Variants in SKIC3 observed in about 807,000 individuals in gnomAD.
SKIC3 encodes superkiller complex protein 3.
At chr5:95,493,186 C>G in the SKIC3 span, among the ~76,000 whole-genome samples, 43 of 152,278 alleles carry the variant, frequency 2.8e-4, no homozygotes, top group Admixed American at 1.6e-3. Context: ...ACTAAGTGTA[C>G]AGCCACTACA....
the SKIC3 span, among the ~76,000 whole-genome samples, chr5:95,546,798 G>A: frequency 2.0e-5 from 3 of 152,232 alleles, no homozygotes; most frequent in East Asian, 1.9e-4. Context: ...AGCATTCCAC[G>A]ATACAACCAT....
At chr5:95,487,737 G>A in the SKIC3 span, among the ~76,000 whole-genome samples, 2 of 152,120 alleles carry the variant, frequency 1.3e-5, no homozygotes, top group African/African-American at 4.8e-5. Flanking sequence ...TGTTAGACTA[G>A]ATATGCATAT....
the SKIC3 span, chr5:95,494,916 A>G: frequency 5.0e-6 from 8 of 1,599,348 alleles, no homozygotes; most frequent in Admixed American, 1.7e-5. Context: ...TCCTTCATCA[A>G]TATTATTTAA....
the SKIC3 span, among the ~76,000 whole-genome samples, chr5:95,527,592 T>C: frequency 1.3e-5 from 2 of 152,186 alleles, no homozygotes; most frequent in Admixed American, 1.3e-4. Flanking sequence ...TCGGTTTCAT[T>C]ATGAAATATG....
the SKIC3 span, among the ~76,000 whole-genome samples, chr5:95,542,702 G>A: frequency 2.6e-5 from 4 of 152,160 alleles, no homozygotes; most frequent in African/African-American, 7.2e-5. Flanking sequence ...TCAAAGGTGT[G>A]ACTGAGATAC....
the SKIC3 span, among the ~76,000 whole-genome samples, chr5:95,518,350 T>C: frequency 6.6e-6 from 1 of 152,084 alleles, no homozygotes; most frequent in Non-Finnish European, 1.5e-5. Context: ...TTTGAAACTA[T>C]ATATTATTGT....
At chr5:95,518,218 G>A in the SKIC3 span, among the ~76,000 whole-genome samples, 2 of 152,022 alleles carry the variant, frequency 1.3e-5, no homozygotes, top group East Asian at 1.9e-4. Flanking sequence ...TATTGATGAG[G>A]TACAGAGATG....
chr5:95,491,658 AC>A, the SKIC3 span, among the ~76,000 whole-genome samples: 1 of 152,216 alleles, frequency 6.6e-6, no homozygotes, highest in Non-Finnish European at 1.5e-5. Context: ...TTGGAAGGGA[AC>A]TTTTTATGCA....
At chr5:95,541,907 C>CTTT in the SKIC3 span, 3 of 1,601,664 alleles carry the variant, frequency 1.9e-6, no homozygotes, top group Non-Finnish European at 2.6e-6. Context: ...TTGCTAACCC[C>CTTT]TAAAAGAAGA....
chr5:95,516,466 C>T, the SKIC3 span: 18 of 1,612,228 alleles, frequency 1.1e-5, no homozygotes, highest in Non-Finnish European at 1.5e-5. Context: ...TTGAAAGTCT[C>T]AGAAAATTAG....
chr5:95,478,619 T>G, the SKIC3 span, among the ~76,000 whole-genome samples: 1 of 152,154 alleles, frequency 6.6e-6, no homozygotes, highest in Non-Finnish European at 1.5e-5. Context: ...TTGCCAATTC[T>G]TTTAACAACA....
At chr5:95,544,525 A>T in the SKIC3 span, among the ~76,000 whole-genome samples, 1 of 152,224 alleles carries the variant, frequency 6.6e-6, no homozygotes, top group South Asian at 2.1e-4. Context: ...CCAAATTGCA[A>T]TTCTTGTTTC....
At chr5:95,541,138 G>A in the SKIC3 span, among the ~76,000 whole-genome samples, 482 of 152,052 alleles carry the variant, frequency 3.2e-3, 1 homozygote, top group Middle Eastern at 0.054. Context: ...AGCTAATTTT[G>A]TATTTTTAGT....
chr5:95,539,957 C>CA, the SKIC3 span, among the ~76,000 whole-genome samples: 1 of 152,034 alleles, frequency 6.6e-6, no homozygotes, highest in South Asian at 2.1e-4. Flanking sequence ...CTTGCACATG[C>CA]ATGTTTATAG....
chr5:95,494,754 C>A, the SKIC3 span: 2 of 1,613,684 alleles, frequency 1.2e-6, no homozygotes, highest in Non-Finnish European at 1.7e-6. Context: ...GAACTGCTTC[C>A]CATAGCCAAC....
the SKIC3 span, chr5:95,521,368 T>A: frequency 1.3e-5 from 2 of 153,160 alleles, no homozygotes; most frequent in Non-Finnish European, 2.9e-5. Flanking sequence ...ATACTATTTA[T>A]GTGCTCACTT....
chr5:95,509,747 T>C, the SKIC3 span: 1 of 1,149,354 alleles, frequency 8.7e-7, no homozygotes, highest in Admixed American at 1.8e-5. Flanking sequence ...AACAAAATAT[T>C]CGTTTTATTT....
the SKIC3 span, chr5:95,509,489 C>G: frequency 1.2e-6 from 1 of 850,538 alleles, no homozygotes; most frequent in Non-Finnish European, 2.0e-6. Context: ...CGTGAACATC[C>G]CCTGGCTTCA....
the SKIC3 span, chr5:95,482,669 GTTC>G: frequency 6.2e-7 from 1 of 1,608,416 alleles, no homozygotes; most frequent in Non-Finnish European, 8.5e-7. Context: ...CATCAAATAG[GTTC>G]TTAAGTGTTA....
Sources: gnomAD v4.1 joint callset for allele counts (sites outside exome capture counted in the v4.1 genomes callset) on GRCh38, gnomAD v4.1.1 for gene constraint, MANE v1.5 for transcripts, NCBI Gene and HGNC (gene_info 2026-07-23, HGNC 2026-07-21) for gene names.